Variants in MYO6 observed in about 807,000 individuals in gnomAD.
MYO6 encodes the protein unconventional myosin-VI.
In MYO6, 74 loss-of-function variants were observed where a neutral mutation model predicts 178.7. The observed-to-expected ratio is 0.41, with a 90% CI of 0.34 to 0.50. The LOEUF is 0.50. Among genes scored for constraint, MYO6 ranks in the 20% least tolerant of loss-of-function variants. MYO6 has a pLI of 0.09. For synonymous variants in MYO6, 477 were observed against 504.6 expected (o/e 0.95, Z 0.73); for missense variants, 1,330 against 1,547.4 (o/e 0.86, Z 2.36).
At chr6:75,859,176 C>T (rs1775983202) in intron 14 of MYO6, among the ~76,000 whole-genome samples, 183 bp downstream of exon 14, 1 of 152,154 alleles carries the variant, frequency 6.6e-6, no homozygotes. Flanking sequence ...GTTAATGGTT[C>T]AGCTGAAGTT....
intron 1 of MYO6, among the ~76,000 whole-genome samples, chr6:75,780,804 CT>C (rs869179178): frequency 1.2e-3 from 176 of 146,684 alleles, no homozygotes; most frequent in Middle Eastern, 3.5e-3. Context: ...AGAGATTAAA[CT>C]TTTTTTTTTT....
At chr6:75,762,856 A>C (rs533721367) in intron 1 of MYO6, among the ~76,000 whole-genome samples, 5 of 152,268 alleles carry the variant, frequency 3.3e-5, no homozygotes, top group Admixed American at 2.0e-4. Flanking sequence ...ATTCCTGTAA[A>C]GTTTTATGTA....
At chr6:75,774,720 T>G (rs1230669661) in intron 1 of MYO6, among the ~76,000 whole-genome samples, 1 of 152,158 alleles carries the variant, frequency 6.6e-6, no homozygotes, top group Non-Finnish European at 1.5e-5. Flanking sequence ...AGCTTTAATT[T>G]TAATCCCTTC....
intron 31 of MYO6, among the ~76,000 whole-genome samples, chr6:75,908,100 T>C (rs1294648265): frequency 1.3e-5 from 2 of 152,212 alleles, no homozygotes; most frequent in African/African-American, 2.4e-5. Flanking sequence ...CTTTCCTCCA[T>C]TGAGTATATC....
intron 25 of MYO6, among the ~76,000 whole-genome samples, chr6:75,887,331 G>C (rs1269804870): frequency 6.6e-6 from 1 of 152,200 alleles, no homozygotes; most frequent in South Asian, 2.1e-4. Flanking sequence ...CATCCTGCAC[G>C]TGCATCCCTG....
At chr6:75,793,944 T>G (rs1217160390) in intron 1 of MYO6, among the ~76,000 whole-genome samples, 1 of 152,170 alleles carries the variant, frequency 6.6e-6, no homozygotes, top group Non-Finnish European at 1.5e-5. Context: ...CTTAGTGACT[T>G]TCTAAATATG....
intron 1 of MYO6, among the ~76,000 whole-genome samples, chr6:75,765,094 A>G (rs1778290735): frequency 1.4e-5 from 2 of 143,302 alleles, no homozygotes; most frequent in Admixed American, 1.5e-4. Context: ...TTTGGAGTTC[A>G]TTTTTCCTGT....
intron 34 of MYO6, 79 bp from the exon 35 acceptor site, chr6:75,914,734 T>C: frequency 7.7e-7 from 1 of 1,296,214 alleles, no homozygotes; most frequent in South Asian, 1.2e-5. Flanking sequence ...TGAGAATTAA[T>C]AGGTATTTCA....
chr6:75,846,382 CTCT>C (rs1774731264), intron 10 of MYO6, among the ~76,000 whole-genome samples: 2 of 151,914 alleles, frequency 1.3e-5, no homozygotes, highest in African/African-American at 4.8e-5. Flanking sequence ...ATATTTTTTA[CTCT>C]TCTTAAAATG....
intron 1 of MYO6, chr6:75,768,218 A>G (rs552355334): frequency 6.6e-6 from 1 of 152,116 alleles, no homozygotes; most frequent in Non-Finnish European, 1.5e-5. Context: ...TTTTACCTGT[A>G]GTTTTAGAAT....
chr6:75,809,647 G>C (rs1452293534), intron 1 of MYO6, among the ~76,000 whole-genome samples: 1 of 152,070 alleles, frequency 6.6e-6, no homozygotes, highest in African/African-American at 2.4e-5. Flanking sequence ...GAAGTGGGGG[G>C]GTGGTGGAAT....
At chr6:75,879,749 T>C in intron 20 of MYO6, 71 bp from the exon 21 acceptor site, 1 of 1,610,052 alleles carries the variant, frequency 6.2e-7, no homozygotes, top group South Asian at 1.1e-5. Flanking sequence ...CTTACAAAAA[T>C]GATCATTCAC....
At chr6:75,897,387 C>G (rs781218219) in intron 29 of MYO6, among the ~76,000 whole-genome samples, 3 of 152,092 alleles carry the variant, frequency 2.0e-5, no homozygotes, top group Non-Finnish European at 4.4e-5. Context: ...TTTTGCTGTC[C>G]TTCACTGTCA....
intron 5 of MYO6, among the ~76,000 whole-genome samples, chr6:75,831,827 C>A (rs1773123386): frequency 6.6e-6 from 1 of 150,602 alleles, no homozygotes; most frequent in African/African-American, 2.4e-5. Flanking sequence ...GAGATCGAGG[C>A]TGCAGTGAGG....
intron 29 of MYO6, among the ~76,000 whole-genome samples, chr6:75,897,787 T>A (rs1304880634): frequency 5.3e-5 from 8 of 152,234 alleles, no homozygotes; most frequent in Non-Finnish European, 1.0e-4. Flanking sequence ...GCAAAATAAG[T>A]TTTTTGCCTT....
intron 30 of MYO6, among the ~76,000 whole-genome samples, chr6:75,903,530 C>G (rs1779998367): frequency 6.6e-6 from 1 of 152,036 alleles, no homozygotes; most frequent in Non-Finnish European, 1.5e-5. Context: ...TCTGTTTTAT[C>G]AGAGACTAGG....
chr6:75,764,994 G>C (rs1000638034), intron 1 of MYO6, among the ~76,000 whole-genome samples: 62 of 149,166 alleles, frequency 4.2e-4, no homozygotes, highest in African/African-American at 1.5e-3. Context: ...GCTAGACTCC[G>C]TCTCAAACAA....
chr6:75,804,143 C>G (rs1477685798), intron 1 of MYO6, among the ~76,000 whole-genome samples: 1 of 152,192 alleles, frequency 6.6e-6, no homozygotes, highest in Non-Finnish European at 1.5e-5. Context: ...ATCCTCCTGC[C>G]TTGGGCCTTT....
At chr6:75,789,720 T>C (rs1052146475) in intron 1 of MYO6, among the ~76,000 whole-genome samples, 5 of 152,244 alleles carry the variant, frequency 3.3e-5, no homozygotes, top group African/African-American at 7.2e-5. Context: ...TATTTACTGC[T>C]TTAAACGTGT....
Sources: allele counts gnomAD v4.1 joint callset (sites outside exome capture counted in the v4.1 genomes callset), GRCh38; gene constraint gnomAD v4.1.1; transcripts MANE v1.5; gene names NCBI Gene and HGNC (gene_info 2026-07-23, HGNC 2026-07-21).